The following ZGRF1 variants were observed in gnomAD, a reference collection of about 807,000 sequenced individuals.
ZGRF1 encodes zinc finger GRF-type containing 1, also known as 5'-3' DNA helicase ZGRF1.
A neutral mutation model predicts 203.5 loss-of-function variants in ZGRF1; 196 were observed. The observed-to-expected ratio is 0.96, with a 90% confidence interval of 0.86 to 1.08. The LOEUF (loss-of-function observed/expected upper bound fraction) is 1.08, where lower values mean the gene tolerates loss of function less well. ZGRF1 is among the 50% of genes least tolerant of loss of function. The pLI, the probability that ZGRF1 is intolerant of heterozygous loss-of-function variation, is 0.00. For missense variants in ZGRF1, 2,326 were observed against 2,416.3 expected, an observed-to-expected ratio of 0.96 and a Z score of 0.78; for synonymous variants, 809 against 841.3, an observed-to-expected ratio of 0.96 and a Z score of 0.66.
At chr4:112,553,604 T>A (rs566372613) in intron 22 of ZGRF1, among the ~76,000 whole-genome samples, 2 of 152,332 alleles carry the variant, frequency 1.3e-5, no homozygotes, top group South Asian at 4.1e-4. Flanking sequence ...AAAGGATGAC[T>A]CGGTCATGGT....
intron 7 of ZGRF1, among the ~76,000 whole-genome samples, chr4:112,610,522 G>A (rs1239192450): frequency 6.6e-6 from 1 of 151,306 alleles, no homozygotes; most frequent in African/African-American, 2.4e-5. Flanking sequence ...AGTAAGCCGA[G>A]ATCATGCCAC....
intron 22 of ZGRF1, among the ~76,000 whole-genome samples, chr4:112,551,789 A>T (rs1474811891): frequency 6.6e-6 from 1 of 152,082 alleles, no homozygotes. Context: ...AGCATTTTTT[A>T]AATTTAAAGA....
chr4:112,561,195 G>T, intron 18 of ZGRF1, 200 bp from the exon 19 acceptor site: 1 of 545,862 alleles, frequency 1.8e-6, no homozygotes, highest in South Asian at 2.3e-5. Context: ...GACGTTTGTT[G>T]AATACTTACT....
chr4:112,572,135 A>T (rs377292196), intron 16 of ZGRF1, among the ~76,000 whole-genome samples: 1 of 152,154 alleles, frequency 6.6e-6, no homozygotes, highest in Admixed American at 6.5e-5. Context: ...AAAAGAATCA[A>T]CTTCAAGTGG....
chr4:112,567,945 A>G (rs538779141), intron 16 of ZGRF1, among the ~76,000 whole-genome samples: 1 of 152,182 alleles, frequency 6.6e-6, no homozygotes, highest in Admixed American at 6.5e-5. Context: ...AAAAACAAAC[A>G]AACAAAAAAA....
chr4:112,554,434 G>A (rs1343536246), intron 21 of ZGRF1, among the ~76,000 whole-genome samples: 1 of 152,048 alleles, frequency 6.6e-6, no homozygotes, highest in Admixed American at 6.6e-5. Context: ...CAAGCCAAAT[G>A]CCCAACAATG....
At chr4:112,622,388 C>T (rs181126481) in intron 4 of ZGRF1, among the ~76,000 whole-genome samples, 6 of 151,864 alleles carry the variant, frequency 4.0e-5, no homozygotes, top group East Asian at 2.0e-4. Context: ...GGCATGGTGG[C>T]GCACGCCTGT....
intron 16 of ZGRF1, among the ~76,000 whole-genome samples, chr4:112,576,714 G>A (rs1263508539): frequency 1.3e-5 from 2 of 152,172 alleles, no homozygotes; most frequent in African/African-American, 2.4e-5. Flanking sequence ...GAAGCAAGAA[G>A]AGAAGTTTAT....
At chr4:112,588,969 G>A (rs1003628687) in intron 11 of ZGRF1, among the ~76,000 whole-genome samples, 2 of 152,010 alleles carry the variant, frequency 1.3e-5, no homozygotes, top group African/African-American at 4.8e-5. Context: ...TACCCACTCC[G>A]GTGTATTTGA....
intron 16 of ZGRF1, 43 bp downstream of exon 16, chr4:112,581,620 A>G (rs763297452): frequency 2.1e-6 from 3 of 1,442,896 alleles, no homozygotes; most frequent in African/African-American, 3.0e-5. Context: ...TAATGGAGAT[A>G]ATAAGGCTAG....
intron 24 of ZGRF1, among the ~76,000 whole-genome samples, chr4:112,541,733 G>C (rs1243803860): frequency 6.6e-6 from 1 of 151,768 alleles, no homozygotes; most frequent in Non-Finnish European, 1.5e-5. Context: ...TCCCCATGTT[G>C]GCCAAGCTGG....
intron 16 of ZGRF1, among the ~76,000 whole-genome samples, chr4:112,573,197 CA>C (rs1744516550): frequency 2.7e-5 from 4 of 150,454 alleles, no homozygotes; most frequent in South Asian, 2.1e-4. Flanking sequence ...CACACACACA[CA>C]CACCCATGGA....
rs575229702 is a variant in ZGRF1 at position 112,577,859 on chromosome 4, T to C, written c.4438+3804A>G. On this transcript the variant is annotated intron_variant, in intron 16 of 27. Coordinates refer to ENST00000505019, the MANE Select transcript of ZGRF1 (RefSeq NM_018392.5). ...GACTTTAACACCCCACTGTCAACAT[T>C]AGACAGATCAATGAGACAGAAAGTT... Among the ~76,000 whole-genome samples the C allele has an allele frequency of 1.8e-3, 222 of 121,442 alleles. 47 individuals carry two copies. Among genetic ancestry groups the C allele is most frequent in the African/African-American group, 6.0e-3 (211 of 34,926 alleles). The allele number at this position is 121,442 out of a possible 152,430, so 79.7% of individuals were successfully genotyped here. A position where few individuals can be genotyped will look rare whatever the true frequency, so the allele number is the denominator to read the frequency against.
intron 2 of ZGRF1, 54 bp downstream of exon 2, chr4:112,633,098 AAAAG>A (rs1554007263): frequency 1.3e-6 from 2 of 1,499,308 alleles, no homozygotes; most frequent in Admixed American, 1.8e-5. Flanking sequence ...AAACGCCTTT[AAAAG>A]AAAGAGACAG....
chr4:112,630,682 A>C (rs145205771), intron 3 of ZGRF1, among the ~76,000 whole-genome samples: 4,260 of 152,282 alleles, frequency 0.028, 94 homozygotes, highest in Middle Eastern at 0.095. Flanking sequence ...ACCTGAGGTC[A>C]GGAGTTCAAG....
chr4:112,590,782 C>T (rs947900001), intron 10 of ZGRF1, among the ~76,000 whole-genome samples: 1 of 151,756 alleles, frequency 6.6e-6, no homozygotes, highest in Non-Finnish European at 1.5e-5. Context: ...AAAAATTAGC[C>T]GGACATGGTG....
chr4:112,576,280 G>A (rs929366952), intron 16 of ZGRF1, among the ~76,000 whole-genome samples: 5 of 152,096 alleles, frequency 3.3e-5, no homozygotes, highest in East Asian at 1.9e-4. Flanking sequence ...CCATCTGTAC[G>A]TCACCATCAT....
intron 10 of ZGRF1, among the ~76,000 whole-genome samples, chr4:112,598,492 C>CTA (rs34621678): frequency 0.68 from 103,103 of 151,402 alleles, 35,510 homozygotes; most frequent in East Asian, 0.95. Context: ...TATAATATAA[C>CTA]TTAATATTAT....
intron 10 of ZGRF1, among the ~76,000 whole-genome samples, chr4:112,602,282 T>G (rs1035409453): frequency 6.6e-6 from 1 of 150,528 alleles, no homozygotes; most frequent in Admixed American, 6.6e-5. Flanking sequence ...ACAAAAAAGG[T>G]CCCAACCTCA....
Sources: allele counts gnomAD v4.1 joint callset (sites outside exome capture counted in the v4.1 genomes callset), GRCh38; gene constraint gnomAD v4.1.1; transcripts MANE v1.5; gene names NCBI Gene and HGNC (gene_info 2026-07-23, HGNC 2026-07-21).